SUMF1: variants seen among roughly 807,000 people sequenced by gnomAD.
SUMF1 encodes the protein sulfatase modifying factor 1.
In SUMF1, 48 loss-of-function variants were observed where a neutral mutation model predicts 47.6. The ratio of observed to expected loss-of-function variants is 1.01; its 90% confidence interval spans 0.80 to 1.28. SUMF1 has a LOEUF of 1.28. Among genes scored for constraint, SUMF1 ranks in the 50% most tolerant of loss-of-function variants. The probability of loss-of-function intolerance (pLI) is 0.00; values close to 1 mark genes in which losing one functional copy is unlikely to be tolerated. For synonymous variants in SUMF1, 230 were observed against 192.1 expected (o/e 1.20, Z -1.63); for missense variants, 571 against 485.4 (o/e 1.18, Z -1.66).
At chr3:4,322,081 T>C (rs1481174476) in intron 8 of SUMF1, among the ~76,000 whole-genome samples, 3 of 152,116 alleles carry the variant, frequency 2.0e-5, no homozygotes, top group Non-Finnish European at 2.9e-5. Flanking sequence ...TACTTGAACA[T>C]TATTCCTCAA....
chr3:4,455,455 C>T (rs531569330), intron 1 of SUMF1, among the ~76,000 whole-genome samples: 1 of 152,230 alleles, frequency 6.6e-6, no homozygotes, highest in Non-Finnish European at 1.5e-5. Context: ...GTGGCTCACA[C>T]CTGTAATCCT....
chr3:4,314,287 C>G (rs1482757002), intron 8 of SUMF1: 3 of 154,652 alleles, frequency 1.9e-5, no homozygotes, highest in African/African-American at 7.2e-5. Flanking sequence ...TGTAAGTTTT[C>G]TAGCACTAAC....
At chr3:4,444,617 T>C (rs1367169310) in intron 3 of SUMF1, among the ~76,000 whole-genome samples, 1 of 152,164 alleles carries the variant, frequency 6.6e-6, no homozygotes, top group East Asian at 1.9e-4. Context: ...ATAAAATAAA[T>C]GCGTGATTAT....
intron 8 of SUMF1, among the ~76,000 whole-genome samples, chr3:4,245,661 C>A (rs1489282249): frequency 6.6e-6 from 1 of 152,160 alleles, no homozygotes; most frequent in Non-Finnish European, 1.5e-5. Flanking sequence ...TCAGCCCCTA[C>A]TGGGAGGTGT....
At chr3:4,305,288 G>A (rs148276332) in intron 8 of SUMF1, among the ~76,000 whole-genome samples, 1 of 152,088 alleles carries the variant, frequency 6.6e-6, no homozygotes, top group South Asian at 2.1e-4. Flanking sequence ...GTTTTACCAT[G>A]TTGCCCAGGC....
In SUMF1 at chr3:4,058,260, T is replaced by C. The variant is rs370457088; in HGVS notation, c.1191+10309A>G. Among the ~76,000 whole-genome samples, 9 of 152,254 alleles carry C rather than the reference T, an allele frequency of 5.9e-5. 1 individual carries two copies. Among genetic ancestry groups the C allele is most frequent in the East Asian group, 1.9e-4 (1 of 5,184 alleles). On this transcript the variant is annotated intron_variant and NMD_transcript_variant, in intron 9 of 12. Transcript: ENST00000448413. ...GCTCGCGAGCAGGTATATACACATATATTCTGCCCGACTGCTCTGCAACTC... is the reference window on the plus strand; with the variant it reads ...GCTCGCGAGCAGGTATATACACATACATTCTGCCCGACTGCTCTGCAACTC...
intron 8 of SUMF1, among the ~76,000 whole-genome samples, chr3:4,146,730 C>G (rs1406893028): frequency 6.7e-6 from 1 of 148,308 alleles, no homozygotes; most frequent in Non-Finnish European, 1.5e-5. Context: ...TGTTCCCCTT[C>G]CTGTGTCTAT....
intron 8 of SUMF1, among the ~76,000 whole-genome samples, chr3:4,128,975 C>T (rs1036684217): frequency 6.6e-6 from 1 of 152,052 alleles, no homozygotes; most frequent in Admixed American, 6.5e-5. Context: ...TGCCTGATCT[C>T]CCTTGGTTTA....
intron 8 of SUMF1, among the ~76,000 whole-genome samples, chr3:4,281,979 T>C (rs1163355742): frequency 6.6e-6 from 1 of 152,168 alleles, no homozygotes; most frequent in Non-Finnish European, 1.5e-5. Context: ...ATGAAGAAGA[T>C]TGTATAGGTA....
At chr3:4,140,439 ACT>A (rs1431281784) in intron 8 of SUMF1, among the ~76,000 whole-genome samples, 2 of 151,988 alleles carry the variant, frequency 1.3e-5, no homozygotes, top group African/African-American at 4.8e-5. Flanking sequence ...CTAGAACTCT[ACT>A]ATTTGTCTAT....
intron 8 of SUMF1, among the ~76,000 whole-genome samples, chr3:4,118,287 C>CA (rs998850282): frequency 4.7e-5 from 7 of 149,632 alleles, no homozygotes; most frequent in Non-Finnish European, 7.4e-5. Context: ...AAACAGAGAA[C>CA]AAAAAAGAGT....
chr3:4,220,864 GT>G (rs1696045153), intron 8 of SUMF1, among the ~76,000 whole-genome samples: 2 of 152,184 alleles, frequency 1.3e-5, no homozygotes, highest in African/African-American at 4.8e-5. Context: ...CAACATGAAA[GT>G]TTAAAATCTC....
chr3:4,416,189 T>G (rs569947386), intron 6 of SUMF1, among the ~76,000 whole-genome samples: 17 of 152,248 alleles, frequency 1.1e-4, no homozygotes, highest in African/African-American at 4.1e-4. Context: ...TATCTGAAAC[T>G]CTTACCCAGA....
At chr3:4,266,921 G>T (rs1312966269) in intron 8 of SUMF1, among the ~76,000 whole-genome samples, 1 of 151,430 alleles carries the variant, frequency 6.6e-6, no homozygotes, top group East Asian at 1.9e-4. Context: ...TTTATTGAGA[G>T]TTTTTAGCAT....
At chr3:4,169,251 TA>T (rs1175756434) in intron 8 of SUMF1, among the ~76,000 whole-genome samples, 1 of 152,044 alleles carries the variant, frequency 6.6e-6, no homozygotes, top group Non-Finnish European at 1.5e-5. Flanking sequence ...TGTTCCTCAA[TA>T]AAATGTTGAA....
intron 8 of SUMF1, among the ~76,000 whole-genome samples, chr3:4,319,380 G>A (rs1698771896): frequency 6.6e-6 from 1 of 152,178 alleles, no homozygotes; most frequent in Non-Finnish European, 1.5e-5. Flanking sequence ...GGGAGATAAA[G>A]TCTCAAATCC....
rs78528540 is a variant in SUMF1 at position 4,373,866 on chromosome 3, A to G, written c.1014+2464T>C. Reference sequence around the variant, plus strand: ...AAGTGGAATGATACATATCCCAGGAATGCAAGGATAGCTTAATATTTGAAA... The same window carrying G: ...AAGTGGAATGATACATATCCCAGGAGTGCAAGGATAGCTTAATATTTGAAA... On this transcript the variant is annotated intron_variant, in intron 8 of 8. Transcript: ENST00000272902. Among the ~76,000 whole-genome samples the G allele has an allele frequency of 3.8e-3, 574 of 152,296 alleles. 5 individuals carry two copies. Among genetic ancestry groups the G allele is most frequent in the African/African-American group, 0.013 (548 of 41,574 alleles).
At chr3:4,117,003 T>G (rs916566710) in intron 8 of SUMF1, among the ~76,000 whole-genome samples, 12 of 152,230 alleles carry the variant, frequency 7.9e-5, no homozygotes, top group African/African-American at 2.6e-4. Context: ...CTTATAGTTA[T>G]ACATGGAAAA....
chr3:4,136,459 C>T (rs1320723668), intron 8 of SUMF1, among the ~76,000 whole-genome samples: 1 of 151,944 alleles, frequency 6.6e-6, no homozygotes, highest in Admixed American at 6.6e-5. Context: ...ACACCTTATA[C>T]AAAAATTAAT....
Sources: allele counts gnomAD v4.1 joint callset (sites outside exome capture counted in the v4.1 genomes callset), GRCh38; gene constraint gnomAD v4.1.1; transcripts MANE v1.5; gene names NCBI Gene and HGNC (gene_info 2026-07-23, HGNC 2026-07-21).